The following BLOC1S5 variants were observed in gnomAD, a reference collection of about 807,000 sequenced individuals.
BLOC1S5 encodes the protein biogenesis of lysosomal organelles complex 1 subunit 5.
A neutral mutation model predicts 24.3 loss-of-function variants in BLOC1S5; 27 were observed. The observed-to-expected ratio is 1.11, with a 90% CI of 0.82 to 1.53. BLOC1S5 has a LOEUF of 1.53. BLOC1S5 is among the 40% of genes most tolerant of loss of function. The pLI is 0.00. For synonymous variants in BLOC1S5, 84 were observed against 74.5 expected (o/e 1.13, Z -0.66); for missense variants, 239 against 229.4 (o/e 1.04, Z -0.27).
At chr6:8,036,998 T>C (rs1320612658) in intron 3 of BLOC1S5, among the ~76,000 whole-genome samples, 5 of 152,114 alleles carry the variant, frequency 3.3e-5, no homozygotes, top group African/African-American at 4.8e-5. Flanking sequence ...TAGCTCAAAA[T>C]AGCTGTGGGC....
intron 2 of BLOC1S5, among the ~76,000 whole-genome samples, chr6:8,051,917 A>T (rs1194446776): frequency 2.6e-5 from 4 of 151,798 alleles, no homozygotes; most frequent in Middle Eastern, 3.4e-3. Flanking sequence ...CCTGATGGAG[A>T]TAGACAAGAA....
At chr6:8,059,907 G>C (rs534934171) in intron 2 of BLOC1S5, among the ~76,000 whole-genome samples, 1 of 152,184 alleles carries the variant, frequency 6.6e-6, no homozygotes, top group African/African-American at 2.4e-5. Context: ...TCAAAGCACC[G>C]TAAGAACGAA....
rs183382370 is a variant in BLOC1S5, at chr6:8,059,573, A to G, written c.195+2961T>C. 3.2e-3 allele frequency among the ~76,000 whole-genome samples: 481 copies of G among 152,326 alleles called. 4 individuals are homozygous for G. The highest frequency in any genetic ancestry group is 7.1e-3 in the Admixed American group (109 of 15,298). On this transcript the variant is annotated intron_variant, in intron 2 of 4. Transcript: ENST00000397457. ...AAAGACCACATTTATTAATTATCTG[A>G]TATCATTGTTTCGGCCATGATAGAA...
chr6:8,032,168 C>T (rs1763320073), intron 3 of BLOC1S5, among the ~76,000 whole-genome samples: 1 of 152,092 alleles, frequency 6.6e-6, no homozygotes, highest in Non-Finnish European at 1.5e-5. Flanking sequence ...AAATAATCAG[C>T]AAACAGACAA....
At chr6:8,016,647 A>C (rs1309386981) in intron 4 of BLOC1S5, among the ~76,000 whole-genome samples, 1 of 151,968 alleles carries the variant, frequency 6.6e-6, no homozygotes, top group African/African-American at 2.4e-5. Context: ...CGGGCAGATC[A>C]CCTGAGGTCA....
At chr6:8,024,913 T>A (rs1763057338) in intron 4 of BLOC1S5, among the ~76,000 whole-genome samples, 1 of 152,248 alleles carries the variant, frequency 6.6e-6, no homozygotes, top group Non-Finnish European at 1.5e-5. Flanking sequence ...AGCTAGCTAG[T>A]ACAGGGAAGC....
At chr6:8,044,054 T>C (rs918045502) in intron 2 of BLOC1S5, among the ~76,000 whole-genome samples, 1 of 151,868 alleles carries the variant, frequency 6.6e-6, no homozygotes, top group African/African-American at 2.4e-5. Context: ...GAAGCTGAGG[T>C]GGGCGGATCA....
chr6:8,061,237 A>C (rs1764502179), intron 2 of BLOC1S5, among the ~76,000 whole-genome samples: 1 of 152,240 alleles, frequency 6.6e-6, no homozygotes, highest in Non-Finnish European at 1.5e-5. Context: ...AATAAGAATA[A>C]TAAATAATGA....
Position 8,039,073 on chromosome 6 carries a change from G to A in BLOC1S5, c.325+2066C>T, listed in dbSNP as rs76107072. On this transcript the variant is annotated intron_variant, in intron 3 of 4. Coordinates refer to ENST00000397457, the MANE Select transcript of BLOC1S5 (RefSeq NM_201280.3). ...AATTCCCATGAATGGGTAAGGAAAT[G>A]TGGTATATATACACAATGGAATATT... is the stretch of plus-strand genomic sequence containing the variant. Among the ~76,000 whole-genome samples the A allele has an allele frequency of 1.4e-3, 206 of 152,312 alleles. 4 individuals are homozygous for A. The East Asian group carries it at 0.038, about 28-fold the overall frequency.
At chr6:8,038,063 A>AG (rs1358630981) in intron 3 of BLOC1S5, among the ~76,000 whole-genome samples, 1 of 152,190 alleles carries the variant, frequency 6.6e-6, no homozygotes, top group Non-Finnish European at 1.5e-5. Context: ...AAGAAAGCCT[A>AG]GGGGGAAACA....
chr6:8,035,784 G>A lies in BLOC1S5; in HGVS notation c.325+5355C>T, dbSNP rs112166028. Among the ~76,000 whole-genome samples, 1,262 of 152,264 alleles carry A rather than the reference G, an allele frequency of 8.3e-3. 14 individuals carry two copies. The highest frequency in any genetic ancestry group is 0.029 in the African/African-American group (1,193 of 41,558). On this transcript the variant is annotated intron_variant, in intron 3 of 4. Transcript: ENST00000397457. ...AAGGGAGAGATAGAATGCAATAGCC[G>A]CAGGAGACTTCAACATCCCATTCTT...
In BLOC1S5 at chr6:8,015,759, G is replaced by C. The variant is rs1307761427; in HGVS notation, c.454C>G (p.Gln152Glu). ...TCCACTTCAGCCCTTTTGTTGGGTT[G>C]CTCCTTCATGAAGTTGTCCCACTGG... is the stretch of plus-strand genomic sequence containing the variant. ...MLQWDNFMKE[Q>E]PNKRAEVDEE... Residue 152 changes from glutamine to glutamate, a missense_variant, in exon 5 of 5, where the codon CAA (glutamine) becomes GAA (glutamate). Physicochemically the swap from Gln to Glu is conservative, Grantham distance 29 (BLOSUM62 2). Coordinates refer to ENST00000397457, the MANE Select transcript of BLOC1S5 (RefSeq NM_201280.3). The C allele has an allele frequency of 6.2e-7, 1 of 1,614,120 alleles. No individual in the cohort carries two copies. Among genetic ancestry groups the C allele is most frequent in the Non-Finnish European group, 8.5e-7 (1 of 1,180,012 alleles).
At chr6:8,038,042 G>A (rs1220396946) in intron 3 of BLOC1S5, among the ~76,000 whole-genome samples, 1 of 151,898 alleles carries the variant, frequency 6.6e-6, no homozygotes, top group East Asian at 1.9e-4. Flanking sequence ...CTGAAACTGT[G>A]AAATTACTAG....
intron 4 of BLOC1S5, among the ~76,000 whole-genome samples, chr6:8,016,876 CAAAAA>C (rs36179729): frequency 1.0e-5 from 1 of 97,602 alleles, no homozygotes; most frequent in Non-Finnish European, 1.9e-5. Context: ...TACTCTATCT[CAAAAA>C]AAAAAAAAAA....
chr6:8,026,481 T>A, intron 3 of BLOC1S5, 56 bp from the exon 4 acceptor site: 8 of 1,361,398 alleles, frequency 5.9e-6, no homozygotes, highest in Non-Finnish European at 8.4e-6. Flanking sequence ...AGGAAACACA[T>A]ACCTGGGGGA....
chr6:8,029,988 G>GA (rs1310154352), intron 3 of BLOC1S5, among the ~76,000 whole-genome samples: 21 of 152,134 alleles, frequency 1.4e-4, no homozygotes, highest in African/African-American at 5.1e-4. Flanking sequence ...AGCAAACAAG[G>GA]AATGAAGACC....
At position 8,041,954 on chromosome 6, in the gene BLOC1S5, A is replaced by G. The variant is rs144154308; in HGVS notation, c.196-686T>C. 4 of 152,312 alleles carry G rather than the reference A, an allele frequency of 2.6e-5. No homozygotes were observed. The East Asian group carries it at 7.7e-4, about 29-fold the overall frequency. 9.4% of individuals were successfully genotyped at this position (152,312 alleles called of 1,614,324 possible). A position where few individuals can be genotyped will look rare whatever the true frequency, so the allele number is the denominator to read the frequency against. The stretch of plus-strand genomic sequence containing the variant: ...AGCCACCGCGCCCGGCCTAAATCTT[A>G]GTAATTACTTTCTAAGATATCCACC... On this transcript the variant is annotated intron_variant, in intron 2 of 4. Transcript: ENST00000397457.
intron 2 of BLOC1S5, among the ~76,000 whole-genome samples, chr6:8,047,184 A>T (rs1490140643): frequency 2.0e-5 from 3 of 146,680 alleles, no homozygotes; most frequent in Non-Finnish European, 4.5e-5. Context: ...ACACACACAC[A>T]CACACACACA....
At chr6:8,058,316 T>C (rs1311580412) in intron 2 of BLOC1S5, among the ~76,000 whole-genome samples, 1 of 137,064 alleles carries the variant, frequency 7.3e-6, no homozygotes, top group Non-Finnish European at 1.5e-5. Flanking sequence ...GCCCAGGAGT[T>C]TGAGTCCAGC....
Sources: gnomAD v4.1 joint callset for allele counts (sites outside exome capture counted in the v4.1 genomes callset) on GRCh38, gnomAD v4.1.1 for gene constraint, MANE v1.5 for transcripts, NCBI Gene and HGNC (gene_info 2026-07-23, HGNC 2026-07-21) for gene names.